Variants in CYP7B1 observed in about 807,000 individuals in gnomAD.
CYP7B1 encodes cytochrome P450 7B1.
In CYP7B1, 29 loss-of-function variants were observed where a neutral mutation model predicts 42.7. The observed-to-expected ratio is 0.68, with a 90% CI of 0.51 to 0.93. CYP7B1 has a LOEUF of 0.93. CYP7B1 is among the 40% of genes least tolerant of loss of function. The pLI, the probability that CYP7B1 is intolerant of heterozygous loss-of-function variation, is 0.00. For synonymous variants in CYP7B1, 235 were observed against 218.2 expected (o/e 1.08, Z -0.68); for missense variants, 655 against 600.5 (o/e 1.09, Z -0.95).
In CYP7B1 at chr8:64,629,013, G is replaced by A. The variant is rs559567944; in HGVS notation, c.123-4474C>T. Among the ~76,000 whole-genome samples the A allele has an allele frequency of 2.8e-3, 426 of 152,174 alleles. 1 individual carries two copies. Among genetic ancestry groups the A allele is most frequent in the Non-Finnish European group, 4.8e-3 (328 of 67,990 alleles). On this transcript the variant is annotated intron_variant, in intron 1 of 5. Transcript: ENST00000310193. ...GAGGCTGAGGTGGGCGGATCATGAC[G>A]TCAAGAGTTCGAGACCAGCCTGGCC...
At chr8:64,599,787 C>T (rs566908405) in intron 5 of CYP7B1, among the ~76,000 whole-genome samples, 4 of 152,148 alleles carry the variant, frequency 2.6e-5, no homozygotes, top group Non-Finnish European at 4.4e-5. Context: ...TAGGAGAAGT[C>T]CCCTTTCTGT....
chr8:64,701,787 A>G (rs1806919978), intron 1 of CYP7B1, among the ~76,000 whole-genome samples: 4 of 151,960 alleles, frequency 2.6e-5, no homozygotes, highest in African/African-American at 9.7e-5. Context: ...GGCAGTATAA[A>G]CCTCCCAACA....
At chr8:64,614,973 C>A in intron 4 of CYP7B1, 53 bp downstream of exon 4, 4 of 1,585,658 alleles carry the variant, frequency 2.5e-6, no homozygotes, top group South Asian at 1.1e-5. Context: ...AGTGATAAAC[C>A]GAGTTTGCAG....
intron 2 of CYP7B1, among the ~76,000 whole-genome samples, chr8:64,620,359 T>TC (rs1385649919): frequency 6.6e-6 from 1 of 152,030 alleles, no homozygotes; most frequent in African/African-American, 2.4e-5. Context: ...CATGTACATA[T>TC]CCCCCCGCTT....
At chr8:64,776,663 G>A (rs1190727032) in intron 1 of CYP7B1, among the ~76,000 whole-genome samples, 1 of 152,088 alleles carries the variant, frequency 6.6e-6, no homozygotes, top group African/African-American at 2.4e-5. Flanking sequence ...CAATATGGCA[G>A]CATGGCATTT....
At chr8:64,630,593 C>T (rs545776023) in intron 1 of CYP7B1, among the ~76,000 whole-genome samples, 18 of 152,338 alleles carry the variant, frequency 1.2e-4, no homozygotes, top group African/African-American at 4.1e-4. Context: ...CTTATCTATA[C>T]CTTTCAAGGA....
intron 2 of CYP7B1, 102 bp from the exon 3 acceptor site, chr8:64,616,383 C>T (rs1805449772): frequency 1.3e-6 from 1 of 788,086 alleles, no homozygotes; most frequent in Non-Finnish European, 2.0e-6. Context: ...TAGAAAGACC[C>T]TAATAACTAA....
At chr8:64,642,899 T>C (rs1805878434) in intron 1 of CYP7B1, among the ~76,000 whole-genome samples, 1 of 151,814 alleles carries the variant, frequency 6.6e-6, no homozygotes, top group African/African-American at 2.4e-5. Flanking sequence ...TTATCAACAC[T>C]CATATAAATC....
At chr8:64,781,210 GT>G (rs1431770386) in intron 1 of CYP7B1, among the ~76,000 whole-genome samples, 4 of 152,054 alleles carry the variant, frequency 2.6e-5, no homozygotes, top group African/African-American at 9.7e-5. Context: ...AACCAGCAAA[GT>G]CCACCAAGGT....
At chr8:64,761,312 T>C in intron 1 of CYP7B1, among the ~76,000 whole-genome samples, 1 of 152,234 alleles carries the variant, frequency 6.6e-6, no homozygotes, top group Admixed American at 6.5e-5. Context: ...TATTTGAAAT[T>C]TGCTAAATGA....
chr8:64,729,381 C>A (rs529947911), intron 1 of CYP7B1, among the ~76,000 whole-genome samples: 3 of 152,218 alleles, frequency 2.0e-5, no homozygotes, highest in East Asian at 3.9e-4. Context: ...CATTCAGACA[C>A]ACACGAAGGC....
Position 64,595,932 on chromosome 8 carries a change from A to G in CYP7B1, c.*710T>C, listed in dbSNP as rs1805110216. Among the ~76,000 whole-genome samples the G allele has an allele frequency of 6.6e-6, 1 of 152,250 alleles. No individual in the cohort carries two copies. Among genetic ancestry groups the G allele is most frequent in the South Asian group, 2.1e-4 (1 of 4,826 alleles). On this transcript the variant is annotated 3_prime_UTR_variant, in exon 6 of 6. Coordinates refer to ENST00000310193, the MANE Select transcript of CYP7B1 (RefSeq NM_004820.5). ...AATGTCTAGGGCAATTTCTGAATAT[A>G]TAATAGGTTCTGTGTTTTCTTATAC...
chr8:64,794,631 G>A (rs781050749), intron 1 of CYP7B1, among the ~76,000 whole-genome samples: 1 of 152,066 alleles, frequency 6.6e-6, no homozygotes, highest in African/African-American at 2.4e-5. Flanking sequence ...ATCTATGAAG[G>A]CATTGCCCTA....
Position 64,798,641 on chromosome 8 carries a change from G to C in CYP7B1, c.-54C>G, listed in dbSNP as rs1479622523. 7.0e-7 allele frequency: 1 copy of C among 1,436,342 alleles called. No homozygotes were observed. The highest frequency in any genetic ancestry group is 9.1e-7 in the Non-Finnish European group (1 of 1,103,720). The allele number at this position is 1,436,342 out of a possible 1,614,324, so 89.0% of individuals were successfully genotyped here. A position where few individuals can be genotyped will look rare whatever the true frequency, so the allele number is the denominator to read the frequency against. On this transcript the variant is annotated 5_prime_UTR_variant, in exon 1 of 6. Coordinates refer to ENST00000310193, the MANE Select transcript of CYP7B1 (RefSeq NM_004820.5). Reference sequence around the variant, plus strand: ...CCCGGGGTCTGCCTGCGAACAGCGCGGTCGGCGACTCTGCAGCCTGCGGCG... The same window carrying C: ...CCCGGGGTCTGCCTGCGAACAGCGCCGTCGGCGACTCTGCAGCCTGCGGCG...
intron 1 of CYP7B1, among the ~76,000 whole-genome samples, chr8:64,721,265 C>T (rs1807231490): frequency 2.6e-5 from 4 of 152,068 alleles, no homozygotes; most frequent in Admixed American, 2.0e-4. Context: ...CTTATACTAG[C>T]TCCAGTACAA....
At chr8:64,624,257 A>C in intron 2 of CYP7B1, 146 bp downstream of exon 2, 1 of 780,048 alleles carries the variant, frequency 1.3e-6, no homozygotes, top group South Asian at 2.0e-5. Flanking sequence ...TGAACTAAAA[A>C]TAATAGTTTT....
chr8:64,627,522 A>C (rs2129630507), intron 1 of CYP7B1, among the ~76,000 whole-genome samples: 1 of 152,310 alleles, frequency 6.6e-6, no homozygotes, highest in East Asian at 1.9e-4. Context: ...GATTTAGAAA[A>C]GCTTTTTGTC....
intron 1 of CYP7B1, among the ~76,000 whole-genome samples, chr8:64,715,812 G>A (rs763346088): frequency 5.9e-5 from 9 of 152,136 alleles, no homozygotes; most frequent in South Asian, 4.1e-4. Context: ...TTCTTAACAC[G>A]GACACAGCCT....
intron 5 of CYP7B1, among the ~76,000 whole-genome samples, chr8:64,598,454 T>C (rs1378635685): frequency 1.3e-5 from 2 of 152,206 alleles, no homozygotes; most frequent in Non-Finnish European, 2.9e-5. Context: ...AGACTGGTCC[T>C]CTATCTACCT....
Sources: allele counts gnomAD v4.1 joint callset (sites outside exome capture counted in the v4.1 genomes callset), GRCh38; gene constraint gnomAD v4.1.1; transcripts MANE v1.5; gene names NCBI Gene and HGNC (gene_info 2026-07-23, HGNC 2026-07-21).